ANO7: variants seen among roughly 807,000 people sequenced by gnomAD.
ANO7 encodes the protein anoctamin-7.
A neutral mutation model predicts 115.8 loss-of-function variants in ANO7; 114 were observed. That is an observed-to-expected ratio of 0.98 (90% confidence interval 0.85 to 1.15). ANO7 has a LOEUF of 1.15. Among genes scored for constraint, ANO7 ranks in the 50% most tolerant of loss-of-function variants. The pLI is 0.00. For synonymous variants in ANO7, 550 were observed against 498.2 expected (o/e 1.10, Z -1.38); for missense variants, 1,302 against 1,201.2 (o/e 1.08, Z -1.24).
chr2:241,215,434 C>T (rs12471975), intron 18 of ANO7, among the ~76,000 whole-genome samples: 69,382 of 152,126 alleles, frequency 0.46, 18,031 homozygotes, highest in East Asian at 0.79. Flanking sequence ...CTGACCTGAA[C>T]GCCCTCCCAG....
chr2:241,204,568 G>A (rs2068547153), intron 9 of ANO7, among the ~76,000 whole-genome samples: 1 of 152,144 alleles, frequency 6.6e-6, no homozygotes, highest in Non-Finnish European at 1.5e-5. Flanking sequence ...GTTGGAGTGA[G>A]CTGGCTGAGG....
At chr2:241,199,988 TCG>T (rs2068431035) in intron 5 of ANO7, 99 bp from the exon 6 acceptor site, 1 of 1,418,274 alleles carries the variant, frequency 7.1e-7, no homozygotes, top group African/African-American at 1.4e-5. Flanking sequence ...TGGAGCCCCT[TCG>T]CCCATTGCCC....
the ANO7 span, chr2:241,233,983 G>A: frequency 6.4e-3 from 10,254 of 1,613,786 alleles, 36 homozygotes; most frequent in Non-Finnish European, 7.8e-3. This position sits in a 1 kb window ranked among gnomAD's most constrained non-coding sequence, Gnocchi z 4.3. Flanking sequence ...AAAGGAGCAA[G>A]AATGAGGCAA....
intron 11 of ANO7, among the ~76,000 whole-genome samples, chr2:241,208,942 G>A (rs1376054724): frequency 6.6e-6 from 1 of 152,100 alleles, no homozygotes; most frequent in Non-Finnish European, 1.5e-5. Flanking sequence ...AAGGTCAGAA[G>A]ATCGAGACCA....
At position 241,224,223 on chromosome 2, in the gene ANO7, C is replaced by T. The variant is rs2069102126; in HGVS notation, c.*70C>T. 6.4e-7 allele frequency: 1 copy of T among 1,551,488 alleles called. No homozygotes were observed. The highest frequency in any genetic ancestry group is 8.9e-7 in the Non-Finnish European group (1 of 1,129,572). On this transcript the variant is annotated 3_prime_UTR_variant, in exon 25 of 25. Coordinates refer to ENST00000674324, the MANE Select transcript of ANO7 (RefSeq NM_001370694.2). Reference sequence around the variant, plus strand: ...TGAGCCCTGCGAGCAGCGTCCTTTTCCTCTTCCCTCAGGCAGCGGCTGTGT... The same window carrying T: ...TGAGCCCTGCGAGCAGCGTCCTTTTTCTCTTCCCTCAGGCAGCGGCTGTGT...
At position 241,223,246 on chromosome 2, in the gene ANO7, C is replaced by T; in HGVS notation, c.2382C>T (p.Ala794=). Residue 794 remains alanine (A), a synonymous_variant, in exon 22 of 25, where the codon GCC becomes GCT. Transcript: ENST00000674324. ...HYSQTYWNLL[A]IRLAFVIVFE... is the part of the protein sequence containing the mutation. ...CCCAGACCTACTGGAATCTTCTTGC[C>T]ATCCGCCTGGCCTTCGTCATTGTGT... 3.7e-6 allele frequency: 6 copies of T among 1,614,262 alleles called. No individual in the cohort carries two copies. Among genetic ancestry groups the T allele is most frequent in the Non-Finnish European group, 5.1e-6 (6 of 1,180,048 alleles).
chr2:241,229,559 T>G, downstream of ANO7: 1 of 1,460,018 alleles, frequency 6.8e-7, no homozygotes, highest in Non-Finnish European at 9.6e-7. Context: ...TGTGGTTGGG[T>G]TTGGGTCAGC....
In ANO7 at chr2:241,188,950, G is replaced by A. The variant is rs139428145; in HGVS notation, c.-8+184G>A. 3.3e-5 allele frequency among the ~76,000 whole-genome samples: 5 copies of A among 152,340 alleles called. No individual in the cohort carries two copies. Among genetic ancestry groups the A allele is most frequent in the Non-Finnish European group, 5.9e-5 (4 of 68,020 alleles). On this transcript the variant is annotated intron_variant, in intron 1 of 24. Transcript: ENST00000674324. The surrounding 1 kb of genome is among the most constrained non-coding windows in gnomAD (Gnocchi z 4.3). Reference sequence around the variant, plus strand: ...ACGAGGAGGGACACACACTCAGTGCGGCTCTGGACGGGGTACACCCAGCTG... The same window carrying A: ...ACGAGGAGGGACACACACTCAGTGCAGCTCTGGACGGGGTACACCCAGCTG...
intron 11 of ANO7, 26 bp downstream of exon 11, chr2:241,207,696 G>C (rs780154548): frequency 4.9e-5 from 79 of 1,608,566 alleles, no homozygotes; most frequent in Non-Finnish European, 6.6e-5. Context: ...GGTGGGGTAA[G>C]GGATTTGAGA....
intron 6 of ANO7, among the ~76,000 whole-genome samples, chr2:241,200,737 G>A (rs999547893): frequency 5.3e-5 from 8 of 152,234 alleles, no homozygotes; most frequent in South Asian, 2.1e-4. Context: ...GACCACTGTC[G>A]GGGAACCAGT....
chr2:241,214,796 C>T lies in ANO7; in HGVS notation c.1729-9C>T. Reference sequence around the variant, plus strand: ...CCTCTCCCAGCTAACCTGAGCCCTGCTGCCGTAGTGCGCGGCTGGAGGCTG... The same window carrying T: ...CCTCTCCCAGCTAACCTGAGCCCTGTTGCCGTAGTGCGCGGCTGGAGGCTG... On this transcript the variant is annotated splice_polypyrimidine_tract_variant and intron_variant, in intron 17 of 24. Transcript: ENST00000674324. 6.2e-7 allele frequency: 1 copy of T among 1,609,932 alleles called. No homozygotes were observed. Among genetic ancestry groups the T allele is most frequent in the Non-Finnish European group, 8.5e-7 (1 of 1,179,586 alleles).
chr2:241,239,846 A>C, the ANO7 span: 7 of 1,611,876 alleles, frequency 4.3e-6, no homozygotes, highest in Non-Finnish European at 5.9e-6. This position sits in a 1 kb window ranked among gnomAD's most constrained non-coding sequence, Gnocchi z 4.6. Flanking sequence ...GAGATGGAAG[A>C]TAAGCCACCC....
downstream of ANO7, chr2:241,230,073 T>C: frequency 6.3e-7 from 1 of 1,587,542 alleles, no homozygotes; most frequent in South Asian, 1.1e-5. The surrounding 1 kb of genome is among the most constrained non-coding windows in gnomAD (Gnocchi z 5.0). Flanking sequence ...TGCCACCTTG[T>C]CCCCTGAAGC....
At chr2:241,219,820 GC>G (rs2149267939) in intron 21 of ANO7, among the ~76,000 whole-genome samples, 2 of 148,104 alleles carry the variant, frequency 1.4e-5, no homozygotes, top group Admixed American at 1.4e-4. Flanking sequence ...CTCAAGCAAT[GC>G]CCTGGCCTCC....
chr2:241,240,165 C>T, the ANO7 span: 8 of 1,587,556 alleles, frequency 5.0e-6, no homozygotes, highest in Admixed American at 1.3e-4. The surrounding 1 kb of genome is among the most constrained non-coding windows in gnomAD (Gnocchi z 5.5). Flanking sequence ...CACCACGTGC[C>T]TGGACCACAG....
At position 241,203,246 on chromosome 2, in the gene ANO7, TG is replaced by T; in HGVS notation, c.724-86del. The T allele has an allele frequency of 9.4e-7, 1 of 1,060,096 alleles. No homozygotes were observed. The highest frequency in any genetic ancestry group is 1.3e-6 in the Non-Finnish European group (1 of 776,724). The allele number at this position is 1,060,096 out of a possible 1,614,324, so 65.7% of individuals were successfully genotyped here. A position where few individuals can be genotyped will look rare whatever the true frequency, so the allele number is the denominator to read the frequency against. ...CCAGACTCCCAGGCCTGTCTGCCCA[TG>T]TCCCACACTGAAGCCCCTGCACCTA... is the stretch of plus-strand genomic sequence containing the variant. On this transcript the variant is annotated intron_variant, in intron 8 of 24. Coordinates refer to ENST00000674324, the MANE Select transcript of ANO7 (RefSeq NM_001370694.2). The surrounding 1 kb of genome is among the most constrained non-coding windows in gnomAD (Gnocchi z 4.8).
chr2:241,218,580 G>A (rs560232544), intron 21 of ANO7, among the ~76,000 whole-genome samples, 199 bp downstream of exon 21: 1 of 152,322 alleles, frequency 6.6e-6, no homozygotes, highest in South Asian at 2.1e-4. Flanking sequence ...GAGCTTTGCG[G>A]GGCTGGAGGG....
At chr2:241,215,750 G>A (rs536292842) in intron 18 of ANO7, among the ~76,000 whole-genome samples, 7 of 152,214 alleles carry the variant, frequency 4.6e-5, no homozygotes, top group Non-Finnish European at 7.3e-5. Flanking sequence ...CACCACAGTC[G>A]TCCTCGTCCA....
At chr2:241,196,208 C>T in intron 4 of ANO7, 2 of 1,129,478 alleles carry the variant, frequency 1.8e-6, no homozygotes, top group Non-Finnish European at 2.2e-6. Flanking sequence ...ATAGAATTAA[C>T]AGCTTAAAAA....
Sources: allele counts gnomAD v4.1 joint callset (sites outside exome capture counted in the v4.1 genomes callset), GRCh38; gene constraint gnomAD v4.1.1; non-coding constraint Gnocchi (gnomAD v3.1); transcripts MANE v1.5; gene names NCBI Gene and HGNC (gene_info 2026-07-23, HGNC 2026-07-21).